The following GYS2 variants were observed in gnomAD, a reference collection of about 807,000 sequenced individuals.
The protein encoded by GYS2 is glycogen synthase 2, also known as glycogen [starch] synthase, liver.
GYS2 carries 80 observed loss-of-function variants against 85.6 expected under a neutral mutation model. That is an observed-to-expected ratio of 0.93 (90% CI 0.78 to 1.13). GYS2 has a LOEUF of 1.13. GYS2 is among the 50% of genes most tolerant of loss of function. GYS2 has a pLI of 0.00. For synonymous variants in GYS2, 328 were observed against 300.7 expected, an observed-to-expected ratio of 1.09 and a Z score of -0.94; for missense variants, 881 against 854.9, an observed-to-expected ratio of 1.03 and a Z score of -0.38.
chr12:21,591,365 A>T (rs1944636945), intron 1 of GYS2, among the ~76,000 whole-genome samples: 2 of 152,124 alleles, frequency 1.3e-5, no homozygotes, highest in Admixed American at 1.3e-4. Flanking sequence ...TACATTCAAA[A>T]ACTTCAACAA....
intron 13 of GYS2, 44 bp downstream of exon 13, chr12:21,542,452 G>GA (rs761036774): frequency 8.6e-7 from 1 of 1,167,696 alleles, no homozygotes; most frequent in Non-Finnish European, 1.3e-6. Context: ...TGTTTGGTTA[G>GA]AGGTCATGTC....
intron 6 of GYS2, 72 bp from the exon 7 acceptor site, chr12:21,563,110 G>C (rs1944275476): frequency 3.1e-6 from 4 of 1,273,372 alleles, no homozygotes; most frequent in Non-Finnish European, 4.6e-6. Flanking sequence ...CATGAATTCT[G>C]TTAATGTACA....
At chr12:21,576,113 A>G (rs1324091366) in intron 2 of GYS2, 56 bp from the exon 3 acceptor site, 5 of 1,358,136 alleles carry the variant, frequency 3.7e-6, no homozygotes, top group African/African-American at 2.8e-5. Flanking sequence ...AGACAGGACA[A>G]TGTATTTGCA....
rs760466416 is a variant in GYS2 at position 21,558,189 on chromosome 12, A to G, written c.1422+11T>C. ...AAGTTTAAAGTTCGCCACATGAACAATTTGTTCTACCTTGACTCTATCTGT... is the reference window on the plus strand; with the variant it reads ...AAGTTTAAAGTTCGCCACATGAACAGTTTGTTCTACCTTGACTCTATCTGT... On this transcript the variant is annotated intron_variant, in intron 11 of 15. Transcript: ENST00000261195. 9 of 1,501,288 alleles carry G rather than the reference A, an allele frequency of 6.0e-6. No homozygotes were observed. Among genetic ancestry groups the G allele is most frequent in the Non-Finnish European group, 7.4e-6 (8 of 1,077,050 alleles). The allele number at this position is 1,501,288 out of a possible 1,614,324, so 93.0% of individuals were successfully genotyped here.
chr12:21,591,566 C>T (rs1295935073), intron 1 of GYS2, among the ~76,000 whole-genome samples: 1 of 152,106 alleles, frequency 6.6e-6, no homozygotes, highest in East Asian at 1.9e-4. Context: ...GTGTAGGAAA[C>T]CTACGTAACA....
intron 4 of GYS2, among the ~76,000 whole-genome samples, chr12:21,569,625 A>G (rs1230830864): frequency 6.6e-6 from 1 of 152,246 alleles, no homozygotes; most frequent in African/African-American, 2.4e-5. Context: ...ACAATCACTT[A>G]AATAACTGGC....
chr12:21,539,405 A>G, intron 14 of GYS2, 67 bp from the exon 15 acceptor site: 1 of 862,946 alleles, frequency 1.2e-6, no homozygotes, highest in Non-Finnish European at 2.0e-6. Flanking sequence ...CAAGTTATTA[A>G]ATAAGGCCTT....
At chr12:21,546,311 C>T in intron 12 of GYS2, 33 bp downstream of exon 12, 3 of 1,504,316 alleles carry the variant, frequency 2.0e-6, no homozygotes, top group Non-Finnish European at 2.8e-6. Flanking sequence ...TAACAAAATT[C>T]AAAACATTCC....
chr12:21,563,802 T>A (rs996998542), intron 5 of GYS2, among the ~76,000 whole-genome samples: 1 of 152,128 alleles, frequency 6.6e-6, no homozygotes, highest in African/African-American at 2.4e-5. Context: ...AACACACAGC[T>A]GGTAAGTCGA....
intron 5 of GYS2, 134 bp from the exon 6 acceptor site, chr12:21,563,479 A>G: frequency 1.6e-6 from 1 of 621,084 alleles, no homozygotes; most frequent in East Asian, 2.8e-5. Context: ...AAAATTTAAA[A>G]TTTATAAAAC....
intron 12 of GYS2, among the ~76,000 whole-genome samples, chr12:21,545,175 G>T (rs1283897350): frequency 6.6e-6 from 1 of 152,162 alleles, no homozygotes; most frequent in Non-Finnish European, 1.5e-5. Context: ...GGGTGTGATG[G>T]CTCACGTCTA....
intron 11 of GYS2, among the ~76,000 whole-genome samples, chr12:21,546,837 T>C (rs188576794): frequency 7.4e-4 from 112 of 152,294 alleles, no homozygotes; most frequent in African/African-American, 2.4e-3. Flanking sequence ...TATCTATTTG[T>C]TCCCAACTTG....
intron 15 of GYS2, among the ~76,000 whole-genome samples, chr12:21,538,817 C>A (rs972980616): frequency 8.5e-5 from 13 of 152,174 alleles, no homozygotes; most frequent in African/African-American, 2.9e-4. Flanking sequence ...GAAGAAGACA[C>A]CCTGGTGGGC....
intron 15 of GYS2, among the ~76,000 whole-genome samples, chr12:21,538,006 A>G (rs112898782): frequency 7.2e-5 from 11 of 152,344 alleles, no homozygotes; most frequent in African/African-American, 2.6e-4. Context: ...ACCTGTCAGC[A>G]ATACAACAAA....
intron 1 of GYS2, among the ~76,000 whole-genome samples, chr12:21,585,049 A>G (rs1235436733): frequency 1.3e-5 from 2 of 152,272 alleles, no homozygotes; most frequent in African/African-American, 4.8e-5. Context: ...TATGCTCTGA[A>G]TCAGTGTCCA....
chr12:21,575,936 A>G lies in GYS2; in HGVS notation c.425T>C (p.Ile142Thr). Residue 142 changes from isoleucine to threonine, a missense_variant, in exon 3 of 16, where the codon ATT becomes ACT. Coordinates refer to ENST00000261195, the MANE Select transcript of GYS2 (RefSeq NM_021957.4). The stretch of plus-strand genomic sequence containing the variant: ...ATTGGCTTCTCGGTCATGATAAGGA[A>G]TGCCGACACTGCATGCTTCCCAGAG... ...GDLWEACSVG[I>T]PYHDREANDM... The G allele has an allele frequency of 6.2e-7, 1 of 1,613,976 alleles. No homozygotes were observed. Among genetic ancestry groups the G allele is most frequent in the Non-Finnish European group, 8.5e-7 (1 of 1,179,874 alleles).
chr12:21,575,797 G>A, intron 3 of GYS2, 69 bp downstream of exon 3: 2 of 1,169,514 alleles, frequency 1.7e-6, no homozygotes, highest in South Asian at 2.4e-5. Context: ...TAAAGATCAT[G>A]GGATCATTCT....
intron 4 of GYS2, among the ~76,000 whole-genome samples, chr12:21,573,519 G>T (rs190382967): frequency 1.1e-4 from 17 of 152,168 alleles, no homozygotes; most frequent in Admixed American, 1.1e-3. Flanking sequence ...AATGACTTTG[G>T]CAGGTCATAG....
At chr12:21,534,378 G>C (rs1943891558), downstream of GYS2, among the ~76,000 whole-genome samples, 1 of 152,080 alleles carries the variant, frequency 6.6e-6, no homozygotes, top group Admixed American at 6.5e-5. Context: ...TTAGCCAGCT[G>C]TGGTGGCACA....
Sources: allele counts gnomAD v4.1 joint callset (sites outside exome capture counted in the v4.1 genomes callset), GRCh38; gene constraint gnomAD v4.1.1; transcripts MANE v1.5; gene names NCBI Gene and HGNC (gene_info 2026-07-23, HGNC 2026-07-21).